NPY1R: variants seen among roughly 807,000 people sequenced by gnomAD.
NPY1R encodes neuropeptide Y receptor type 1.
NPY1R carries 10 observed loss-of-function variants against 24.1 expected under a neutral mutation model. The ratio of observed to expected loss-of-function variants is 0.42; its 90% CI spans 0.26 to 0.71. The LOEUF (loss-of-function observed/expected upper bound fraction) is 0.71, where lower values mean the gene tolerates loss of function less well. Among genes scored for constraint, NPY1R ranks in the 30% least tolerant of loss-of-function variants. NPY1R has a pLI of 0.28. For synonymous variants in NPY1R, 168 were observed against 165.9 expected, an observed-to-expected ratio of 1.01 and a Z score of -0.10; for missense variants, 350 against 458.0, an observed-to-expected ratio of 0.76 and a Z score of 2.15.
At chr4:163,329,007 C>T (rs1296896917) in intron 1 of NPY1R, among the ~76,000 whole-genome samples, 2 of 152,190 alleles carry the variant, frequency 1.3e-5, no homozygotes, top group African/African-American at 4.8e-5. Context: ...ACATCAATAG[C>T]TCAATTCCAT....
upstream of NPY1R, among the ~76,000 whole-genome samples, chr4:163,337,985 A>G (rs553607915): frequency 3.9e-4 from 59 of 152,326 alleles, no homozygotes; most frequent in African/African-American, 1.3e-3. Flanking sequence ...TTTGTTCTTT[A>G]TGTAGCAATG....
At chr4:163,327,837 T>C (rs995520087) in intron 1 of NPY1R, among the ~76,000 whole-genome samples, 2 of 152,180 alleles carry the variant, frequency 1.3e-5, no homozygotes, top group African/African-American at 4.8e-5. Flanking sequence ...AAAATAAGTC[T>C]GATATTCCCT....
At chr4:163,327,013 T>A (rs1187889933) in intron 1 of NPY1R, among the ~76,000 whole-genome samples, 1 of 152,134 alleles carries the variant, frequency 6.6e-6, no homozygotes, top group East Asian at 1.9e-4. Context: ...CTAAACATTA[T>A]AAGAATATGA....
chr4:163,325,648 T>C lies in NPY1R; in HGVS notation c.810A>G (p.Val270=), dbSNP rs1328361899. ...RINIMLLSIV[V]AFAVCWLPLT... ...GAGGGAGCCAGCAGACTGCAAATGC[T>C]ACCACAATGGAGAGCAGCATGATAT... Residue 270 remains valine (V), a synonymous_variant, in exon 3 of 3, where the codon GTA becomes GTG. Transcript: ENST00000296533. 5.0e-6 allele frequency: 8 copies of C among 1,609,408 alleles called. No homozygotes were observed. Among genetic ancestry groups the C allele is most frequent in the Middle Eastern group, 1.6e-4 (1 of 6,084 alleles).
chr4:163,333,570 G>C, upstream of NPY1R, among the ~76,000 whole-genome samples: 1 of 152,020 alleles, frequency 6.6e-6, no homozygotes. Flanking sequence ...TTCTAATAAA[G>C]ATACAGGGCA....
upstream of NPY1R, among the ~76,000 whole-genome samples, chr4:163,334,376 C>T (rs1436904930): frequency 6.6e-6 from 1 of 152,178 alleles, no homozygotes; most frequent in Non-Finnish European, 1.5e-5. Flanking sequence ...GCATGTCTGC[C>T]AGAGTTCTGA....
intron 1 of NPY1R, among the ~76,000 whole-genome samples, chr4:163,340,751 G>A (rs1734961032): frequency 6.6e-6 from 1 of 151,974 alleles, no homozygotes; most frequent in Admixed American, 6.5e-5. Context: ...TACAACTCAG[G>A]TGTTCTGATA....
At chr4:163,328,869 A>C (rs893748056) in intron 1 of NPY1R, among the ~76,000 whole-genome samples, 1 of 152,186 alleles carries the variant, frequency 6.6e-6, no homozygotes, top group Non-Finnish European at 1.5e-5. Context: ...TTTTAATATA[A>C]CATCTTTGAG....
chr4:163,339,178 T>A (rs1343056014), intron 1 of NPY1R, among the ~76,000 whole-genome samples: 1 of 152,160 alleles, frequency 6.6e-6, no homozygotes, highest in Admixed American at 6.5e-5. Context: ...TACACTGCAG[T>A]CATACGAAAC....
At chr4:163,335,288 C>T (rs1280602071), upstream of NPY1R, among the ~76,000 whole-genome samples, 1 of 152,194 alleles carries the variant, frequency 6.6e-6, no homozygotes, top group African/African-American at 2.4e-5. Flanking sequence ...CTCATGCTCT[C>T]TTGAACAACA....
At chr4:163,331,700 C>T (rs377554110) in intron 1 of NPY1R, among the ~76,000 whole-genome samples, 4 of 152,214 alleles carry the variant, frequency 2.6e-5, no homozygotes, top group East Asian at 3.8e-4. Context: ...CACACCCTAT[C>T]AAGACACCTC....
chr4:163,342,329 T>C (rs1735006715), intron 1 of NPY1R, among the ~76,000 whole-genome samples: 1 of 152,248 alleles, frequency 6.6e-6, no homozygotes, highest in Non-Finnish European at 1.5e-5. Flanking sequence ...AATGTGTATT[T>C]GAAGTGTACA....
At chr4:163,340,578 G>A (rs1208354825) in intron 1 of NPY1R, among the ~76,000 whole-genome samples, 1 of 151,972 alleles carries the variant, frequency 6.6e-6, no homozygotes, top group African/African-American at 2.4e-5. Context: ...CTACACATAT[G>A]TTTGTAATGC....
upstream of NPY1R, among the ~76,000 whole-genome samples, chr4:163,334,861 G>GA (rs545497813): frequency 0.059 from 3,911 of 66,512 alleles, 99 homozygotes; most frequent in Admixed American, 0.12. Context: ...CTCTGTTTTG[G>GA]AAAAAAAAAA....
Position 163,329,919 on chromosome 4 carries a change from G to T in NPY1R, c.-152+2563C>A, listed in dbSNP as rs571671958. ...AGAGCCTTTTTTTTTTATGGTCTGTGCCTATAATCCTGAGAGAGCTGGGGA... is the reference window on the plus strand; with the variant it reads ...AGAGCCTTTTTTTTTTATGGTCTGTTCCTATAATCCTGAGAGAGCTGGGGA... On this transcript the variant is annotated intron_variant, in intron 1 of 2. Transcript: ENST00000296533. 1.4e-4 allele frequency among the ~76,000 whole-genome samples: 22 copies of T among 151,978 alleles called. 1 individual carries two copies. The South Asian group carries it at 4.6e-3, about 32-fold the overall frequency.
upstream of NPY1R, among the ~76,000 whole-genome samples, chr4:163,336,529 G>A (rs745584686): frequency 2.0e-4 from 31 of 152,130 alleles, no homozygotes; most frequent in Non-Finnish European, 3.5e-4. Flanking sequence ...CTACTTGGTC[G>A]TCTTGCCCCT....
At chr4:163,337,327 C>CATTTGGGTAA (rs1734863601), upstream of NPY1R, among the ~76,000 whole-genome samples, 1 of 152,216 alleles carries the variant, frequency 6.6e-6, no homozygotes, top group Non-Finnish European at 1.5e-5. Context: ...CCAGAAATGC[C>CATTTGGGTAA]TTGGCTTGGG....
intron 1 of NPY1R, among the ~76,000 whole-genome samples, chr4:163,328,735 C>G (rs972993789): frequency 6.6e-6 from 1 of 152,178 alleles, no homozygotes; most frequent in Admixed American, 6.5e-5. Flanking sequence ...CCAAATATAG[C>G]TCTGCGTCTC....
At chr4:163,329,331 G>A (rs1734676941) in intron 1 of NPY1R, among the ~76,000 whole-genome samples, 3 of 152,102 alleles carry the variant, frequency 2.0e-5, no homozygotes, top group South Asian at 4.1e-4. Context: ...GGGGCCGGGC[G>A]AGGTGGCTCA....
Sources: allele counts gnomAD v4.1 joint callset (sites outside exome capture counted in the v4.1 genomes callset), GRCh38; gene constraint gnomAD v4.1.1; transcripts MANE v1.5; gene names NCBI Gene and HGNC (gene_info 2026-07-23, HGNC 2026-07-21).